Variants in DCBLD1 observed in about 807,000 individuals in gnomAD.
DCBLD1 encodes discoidin, CUB and LCCL domain-containing protein 1.
DCBLD1 carries 57 observed loss-of-function variants against 71.5 expected under a neutral mutation model. The ratio of observed to expected loss-of-function variants is 0.80; its 90% CI spans 0.64 to 0.99. DCBLD1 has a LOEUF of 0.99. Among genes scored for constraint, DCBLD1 ranks in the 50% least tolerant of loss-of-function variants. DCBLD1 has a pLI of 0.00. For missense variants in DCBLD1, 891 were observed against 923.5 expected (o/e 0.96, Z 0.46); for synonymous variants, 380 against 363.8 (o/e 1.04, Z -0.51).
intron 14 of DCBLD1, chr6:117,569,456 C>G: frequency 7.4e-7 from 1 of 1,350,808 alleles, no homozygotes. Flanking sequence ...TCAAAGGAAA[C>G]AAGAACTATG....
downstream of DCBLD1, chr6:117,549,891 A>G (rs972201124): frequency 6.1e-6 from 6 of 983,030 alleles, no homozygotes; most frequent in Admixed American, 2.5e-4. Context: ...CACAGTGGAA[A>G]GAGAAAGAGC....
At chr6:117,504,122 A>G in intron 2 of DCBLD1, 143 bp downstream of exon 2, 1 of 875,208 alleles carries the variant, frequency 1.1e-6, no homozygotes, top group African/African-American at 1.7e-5. Context: ...GTAACTTAGA[A>G]GGATACATTT....
In DCBLD1 at chr6:117,537,247, A is replaced by G. The variant is rs768964187; in HGVS notation, c.760+22A>G. On this transcript the variant is annotated intron_variant, in intron 7 of 14. Transcript: ENST00000338728. ...AATGGTAAGGATCATGCTTTCCTTAAGAATTTGATATTTTCGGTGGCTCAC... is the reference window on the plus strand; with the variant it reads ...AATGGTAAGGATCATGCTTTCCTTAGGAATTTGATATTTTCGGTGGCTCAC... 24 of 1,612,920 alleles carry G rather than the reference A, an allele frequency of 1.5e-5. No individual in the cohort carries two copies. In the Admixed American group the frequency reaches 3.8e-4, roughly 26 times the overall value.
chr6:117,568,050 T>G (rs960648063), intron 14 of DCBLD1, among the ~76,000 whole-genome samples: 3 of 139,426 alleles, frequency 2.2e-5, no homozygotes, highest in African/African-American at 8.1e-5. Flanking sequence ...AAAAAAAAAA[T>G]TAGCTGGCCA....
At chr6:117,569,531 C>A in intron 14 of DCBLD1, 2 of 1,603,986 alleles carry the variant, frequency 1.2e-6, no homozygotes, top group South Asian at 2.2e-5. Context: ...GATTCATAAC[C>A]AATTGATAGA....
At chr6:117,516,409 G>A (rs1251468222) in intron 2 of DCBLD1, among the ~76,000 whole-genome samples, 1 of 151,922 alleles carries the variant, frequency 6.6e-6, no homozygotes, top group Non-Finnish European at 1.5e-5. Context: ...TACGTATGAT[G>A]AGTGTTTCTA....
intron 4 of DCBLD1, 137 bp from the exon 5 acceptor site, chr6:117,525,225 C>T: frequency 2.0e-6 from 1 of 492,194 alleles, no homozygotes. Flanking sequence ...TGTATTTTCA[C>T]AAATCAGGTT....
intron 1 of DCBLD1, among the ~76,000 whole-genome samples, chr6:117,497,767 T>G (rs1341014896): frequency 6.6e-6 from 1 of 152,230 alleles, no homozygotes; most frequent in Non-Finnish European, 1.5e-5. Flanking sequence ...CCTATCTGTA[T>G]TATGAGGCTA....
chr6:117,511,837 A>G (rs1040689378), intron 2 of DCBLD1, among the ~76,000 whole-genome samples: 3 of 152,222 alleles, frequency 2.0e-5, no homozygotes, highest in Middle Eastern at 3.2e-3. Context: ...ATAGACTTCA[A>G]GGAAATTTCC....
intron 12 of DCBLD1, chr6:117,544,291 A>G: frequency 4.9e-6 from 2 of 411,060 alleles, no homozygotes; most frequent in Non-Finnish European, 8.5e-6. Context: ...AATATGCAAA[A>G]TAAGATTAGT....
chr6:117,559,070 A>C (rs1436060500), intron 14 of DCBLD1, among the ~76,000 whole-genome samples: 1 of 152,164 alleles, frequency 6.6e-6, no homozygotes, highest in Admixed American at 6.5e-5. Context: ...CAACGACTAG[A>C]TAAACTATAC....
At chr6:117,506,981 A>ATTTTTTATTATTTTTTATTTTTTTATTT (rs1207778744) in intron 2 of DCBLD1, among the ~76,000 whole-genome samples, 2 of 152,248 alleles carry the variant, frequency 1.3e-5, no homozygotes, top group African/African-American at 4.8e-5. Context: ...ATTTTTTATT[A>ATTTTTTATTATTTTTTATTTTTTTATTT]ACCAACTAAT....
intron 14 of DCBLD1, 56 bp from the exon 15 acceptor site, chr6:117,547,851 T>C (rs1779321408): frequency 1.9e-6 from 3 of 1,549,856 alleles, no homozygotes; most frequent in Non-Finnish European, 1.7e-6. Flanking sequence ...CGTCTGCCAC[T>C]GACAGGCCGG....
At chr6:117,484,983 A>G (rs1438053635) in intron 1 of DCBLD1, 1 of 152,184 alleles carries the variant, frequency 6.6e-6, no homozygotes, top group Admixed American at 6.5e-5. Context: ...TTTAGTGGCC[A>G]GAGCTGGGAT....
intron 1 of DCBLD1, among the ~76,000 whole-genome samples, chr6:117,502,397 C>G (rs537781372): frequency 6.6e-6 from 1 of 152,292 alleles, no homozygotes; most frequent in South Asian, 2.1e-4. Flanking sequence ...ATGGGTAGAT[C>G]CTTTCCCTAG....
chr6:117,544,482 G>T (rs79712389), intron 12 of DCBLD1, 46 bp from the exon 13 acceptor site: 1 of 1,600,620 alleles, frequency 6.2e-7, no homozygotes, highest in African/African-American at 1.3e-5. Flanking sequence ...GAGAGAGGCA[G>T]ATACATTGGC....
At position 117,482,841 on chromosome 6, in the gene DCBLD1, G is replaced by A; in HGVS notation, c.60G>A (p.Leu20=). The A allele has an allele frequency of 1.7e-5, 20 of 1,180,148 alleles. No individual in the cohort carries two copies. Among genetic ancestry groups the A allele is most frequent in the East Asian group, 3.9e-5 (1 of 25,490 alleles). 73.1% of individuals were successfully genotyped at this position (1,180,148 alleles called of 1,614,324 possible). A position where few individuals can be genotyped will look rare whatever the true frequency, so the allele number is the denominator to read the frequency against. Residue 20 remains leucine (L), a synonymous_variant, in exon 1 of 15, where the codon CTG becomes CTA. Coordinates refer to ENST00000338728, the MANE Select transcript of DCBLD1 (RefSeq NM_001366458.2). The part of the protein sequence containing the change: ...ALARAAGRGL[L]ALLLAVSAPL... ...CGCGGGCTGCCGGGCGGGGCCTCCT[G>A]GCTTTGCTGCTCGCGGTCTCCGCCC...
At chr6:117,503,211 T>G (rs970128220) in intron 1 of DCBLD1, among the ~76,000 whole-genome samples, 4 of 152,212 alleles carry the variant, frequency 2.6e-5, no homozygotes, top group Non-Finnish European at 5.9e-5. Context: ...ATGAGGAACT[T>G]TAGAATCTGT....
rs959857443 is a variant in DCBLD1, at chr6:117,549,329, G to A, written c.*890G>A. 29 of 985,250 alleles carry A rather than the reference G, an allele frequency of 2.9e-5. No individual in the cohort carries two copies. Among genetic ancestry groups the A allele is most frequent in the Middle Eastern group, 5.2e-4 (1 of 1,936 alleles). 61.0% of individuals were successfully genotyped at this position (985,250 alleles called of 1,614,324 possible). On this transcript the variant is annotated 3_prime_UTR_variant, in exon 15 of 15. Coordinates refer to ENST00000338728, the MANE Select transcript of DCBLD1 (RefSeq NM_001366458.2). ...GTCCTCTGAAAAACAAAGTTATTTG[G>A]AACATGTTCATGCAAAAGTGATTCT...
Sources: allele counts gnomAD v4.1 joint callset (sites outside exome capture counted in the v4.1 genomes callset), GRCh38; gene constraint gnomAD v4.1.1; transcripts MANE v1.5; gene names NCBI Gene and HGNC (gene_info 2026-07-23, HGNC 2026-07-21).